The following VCAN variants were observed in gnomAD, a reference collection of about 807,000 sequenced individuals.
VCAN encodes versican, also known as versican core protein.
In VCAN, 44 loss-of-function variants were observed where a neutral mutation model predicts 245.5. The ratio of observed to expected loss-of-function variants is 0.18; its 90% CI spans 0.14 to 0.23. The LOEUF (loss-of-function observed/expected upper bound fraction) is 0.23. Among genes scored for constraint, VCAN ranks in the 10% least tolerant of loss-of-function variants. VCAN has a pLI of 1.00. For missense variants in VCAN, 3,793 were observed against 4,057.9 expected (o/e 0.93, Z 1.77); for synonymous variants, 1,413 against 1,437.0 (o/e 0.98, Z 0.38).
At chr5:83,535,299 T>C (rs1746663141) in intron 7 of VCAN, among the ~76,000 whole-genome samples, 1 of 152,086 alleles carries the variant, frequency 6.6e-6, no homozygotes, top group Non-Finnish European at 1.5e-5. Flanking sequence ...AAAATTTCAA[T>C]AGGAAGGGTG....
At chr5:83,519,095 A>T (rs1745969460) in intron 6 of VCAN, among the ~76,000 whole-genome samples, 1 of 152,208 alleles carries the variant, frequency 6.6e-6, no homozygotes, top group Non-Finnish European at 1.5e-5. Flanking sequence ...GGTAACAGTC[A>T]TGCATACTTT....
intron 5 of VCAN, among the ~76,000 whole-genome samples, chr5:83,498,477 G>GC (rs1745230087): frequency 6.6e-6 from 1 of 152,078 alleles, no homozygotes; most frequent in Non-Finnish European, 1.5e-5. Context: ...ATTTACAATT[G>GC]CTTTCTGGAT....
chr5:83,547,032 T>C (rs1747252905), intron 9 of VCAN, among the ~76,000 whole-genome samples: 1 of 152,150 alleles, frequency 6.6e-6, no homozygotes, highest in African/African-American at 2.4e-5. Context: ...TGGAGGGAGA[T>C]ATGGACACAA....
chr5:83,554,643 A>G lies in VCAN; in HGVS notation c.9653-313A>G, dbSNP rs111710709. Among the ~76,000 whole-genome samples the G allele has an allele frequency of 6.7e-3, 1,013 of 152,278 alleles. 17 individuals carry two copies. Among genetic ancestry groups the G allele is most frequent in the African/African-American group, 0.023 (969 of 41,578 alleles). On this transcript the variant is annotated intron_variant, in intron 11 of 14. Transcript: ENST00000265077. ...AACAACAAAAAAATAGAAAATTTCT[A>G]TCATAAAAAAAAGAAAATTTCTATC...
At chr5:83,529,200 A>G (rs1392880672) in intron 7 of VCAN, among the ~76,000 whole-genome samples, 1 of 152,084 alleles carries the variant, frequency 6.6e-6, no homozygotes, top group Non-Finnish European at 1.5e-5. Flanking sequence ...TGTAGGATAC[A>G]TGGAAGAGGC....
rs1561244130 is a variant in VCAN, at chr5:83,520,460, A to C, written c.2154A>C (p.Glu718Asp). 1 of 1,614,014 alleles carries C rather than the reference A, an allele frequency of 6.2e-7. No homozygotes were observed. The highest frequency in any genetic ancestry group is 8.5e-7 in the Non-Finnish European group (1 of 1,179,974). The change falls in exon 7 of 15, where the codon GAA (glutamate) becomes GAC (aspartate). Residue 718 changes from glutamate (E) to aspartate (D), a missense_variant. Glu to Asp is a conservative substitution (Grantham distance 45). Transcript: ENST00000265077. ...GTCCATTTATGGGAAAAACAGAAGA[A>C]GAAGTCTTCTCTGGGATGAAACTCT... ...TKSPFMGKTE[E>D]EVFSGMKLST...
Position 83,572,465 on chromosome 5 carries a change from G to A in VCAN, c.9785G>A (p.Gly3262Glu). Residue 3262 changes from glycine (G) to glutamate (E), a missense_variant, in exon 13 of 15, where the codon GGA becomes GAA. Around this residue, in one of 5 missense-constraint regions of VCAN, gnomAD observed 205 missense variants for 321.1 expected, o/e 0.64. Transcript: ENST00000265077. Reference sequence around the variant, plus strand: ...CAGCCAGACAGCTTCTTTTCTGCTGGAGAAGACTGTGTTGTAATCATTTGG... The same window carrying A: ...CAGCCAGACAGCTTCTTTTCTGCTGAAGAAGACTGTGTTGTAATCATTTGG... ...PNQPDSFFSA[G>E]EDCVVIIWHE... 1 of 1,613,990 alleles carries A rather than the reference G, an allele frequency of 6.2e-7. No homozygotes were observed. Among genetic ancestry groups the A allele is most frequent in the African/African-American group, 1.3e-5 (1 of 75,040 alleles).
chr5:83,580,173 C>G lies in VCAN; in HGVS notation c.10063+11C>G, dbSNP rs1748617867. On this transcript the variant is annotated intron_variant, in intron 14 of 14. Coordinates refer to ENST00000265077, the MANE Select transcript of VCAN (RefSeq NM_004385.5). ...TTACCTGCATGAACCGTAAGTGGTC[C>G]TTTAGAAAGAATGGACTACCGTGCT... The G allele has an allele frequency of 9.9e-6, 16 of 1,613,976 alleles. 1 individual carries two copies. The highest frequency in any genetic ancestry group is 1.2e-5 in the Non-Finnish European group (14 of 1,179,978).
At chr5:83,510,790 G>A (rs900446662) in intron 5 of VCAN, among the ~76,000 whole-genome samples, 1 of 152,090 alleles carries the variant, frequency 6.6e-6, no homozygotes, top group Non-Finnish European at 1.5e-5. Context: ...AATTAGACTT[G>A]GTAATAAACA....
At chr5:83,569,165 C>A (rs1236977213) in intron 12 of VCAN, among the ~76,000 whole-genome samples, 1 of 152,170 alleles carries the variant, frequency 6.6e-6, no homozygotes, top group Non-Finnish European at 1.5e-5. Context: ...ATGTCATTCA[C>A]ATCTGTGATT....
At chr5:83,558,120 T>G (rs1204058636) in intron 12 of VCAN, among the ~76,000 whole-genome samples, 2 of 152,136 alleles carry the variant, frequency 1.3e-5, no homozygotes, top group Non-Finnish European at 2.9e-5. Context: ...TAACCACCCT[T>G]TCCTCTATCC....
chr5:83,564,520 T>C (rs1373849264), intron 12 of VCAN, among the ~76,000 whole-genome samples: 1 of 152,228 alleles, frequency 6.6e-6, no homozygotes, highest in African/African-American at 2.4e-5. Flanking sequence ...CTAACACATG[T>C]AGTCAAATAC....
intron 11 of VCAN, among the ~76,000 whole-genome samples, chr5:83,554,119 A>G (rs309590): frequency 0.19 from 28,723 of 152,254 alleles, 3,395 homozygotes; most frequent in Non-Finnish European, 0.26. Flanking sequence ...AACTGCAGCA[A>G]AAAGGAGGGC....
chr5:83,577,739 A>T (rs926604195), intron 13 of VCAN, among the ~76,000 whole-genome samples: 1 of 152,254 alleles, frequency 6.6e-6, no homozygotes, highest in African/African-American at 2.4e-5. Flanking sequence ...TATGGAACCA[A>T]GTTTATTATT....
At chr5:83,536,822 T>C in intron 7 of VCAN, 185 bp from the exon 8 acceptor site, 1 of 516,368 alleles carries the variant, frequency 1.9e-6, no homozygotes, top group Middle Eastern at 5.0e-4. Flanking sequence ...TCATTTTTCT[T>C]ATTGTTAATA....
At chr5:83,524,928 G>C (rs1341897316) in intron 7 of VCAN, among the ~76,000 whole-genome samples, 3 of 151,836 alleles carry the variant, frequency 2.0e-5, no homozygotes, top group Non-Finnish European at 4.4e-5. Context: ...CTATTCACAG[G>C]AATAGAATAC....
chr5:83,554,910 A>G, intron 11 of VCAN, 46 bp from the exon 12 acceptor site: 1 of 1,546,296 alleles, frequency 6.5e-7, no homozygotes, highest in Non-Finnish European at 8.9e-7. Flanking sequence ...TTTCATCCAT[A>G]TATGGAAAAG....
rs1328615347 is a variant in VCAN, at chr5:83,540,306, G to A, written c.7303G>A (p.Glu2435Lys). The A allele has an allele frequency of 1.2e-6, 2 of 1,613,992 alleles. No individual in the cohort carries two copies. The highest frequency in any genetic ancestry group is 1.7e-6 in the Non-Finnish European group (2 of 1,180,006). Residue 2435 changes from glutamate (E) to lysine (K), a missense_variant, in exon 8 of 15, where the codon GAA becomes AAA. Physicochemically the swap from Glu to Lys is moderately conservative, Grantham distance 56 (BLOSUM62 1). Transcript: ENST00000265077. The part of the protein sequence containing the change: ...YYEPSGEGSG[E>K]VDIVDSFHTS... ...TGAACCTTCTGGAGAAGGATCTGGA[G>A]AAGTGGATATTGTTGATTCATTTCA...
chr5:83,516,512 C>T (rs1307549137), intron 6 of VCAN, among the ~76,000 whole-genome samples: 2 of 152,152 alleles, frequency 1.3e-5, no homozygotes, highest in Non-Finnish European at 1.5e-5. Flanking sequence ...TCTCATGTCT[C>T]GCAACAGAAG....
Sources: gnomAD v4.1 joint callset for allele counts (sites outside exome capture counted in the v4.1 genomes callset) on GRCh38, gnomAD v4.1.1 for gene constraint, gnomAD v4.1.1 regional missense constraint, MANE v1.5 for transcripts, NCBI Gene and HGNC (gene_info 2026-07-23, HGNC 2026-07-21) for gene names.